Variants in DDX46 observed in about 807,000 individuals in gnomAD.
DDX46 encodes the protein DEAD-box helicase 46.
A neutral mutation model predicts 134.9 loss-of-function variants in DDX46; 30 were observed. The observed-to-expected ratio is 0.22, with a 90% CI of 0.17 to 0.30. The LOEUF is 0.30. Among genes scored for constraint, DDX46 ranks in the 10% least tolerant of loss-of-function variants. The probability of loss-of-function intolerance (pLI) is 1.00; values close to 1 mark genes in which losing one functional copy is unlikely to be tolerated. For synonymous variants in DDX46, 415 were observed against 404.1 expected, an observed-to-expected ratio of 1.03 and a Z score of -0.32; for missense variants, 622 against 1,248.7, an observed-to-expected ratio of 0.50 and a Z score of 7.56.
chr5:134,826,437 A>G (rs1356987243), intron 21 of DDX46: 2 of 152,282 alleles, frequency 1.3e-5, no homozygotes, highest in African/African-American at 2.4e-5. Context: ...ACTCTGTACC[A>G]TTACGCATGT....
rs1339551348 is a variant in DDX46 at position 134,771,016 on chromosome 5, A to C, written c.447+17A>C. 6 of 1,009,782 alleles carry C rather than the reference A, an allele frequency of 5.9e-6. No individual in the cohort carries two copies. The highest frequency in any genetic ancestry group is 9.0e-6 in the Non-Finnish European group (6 of 668,126). The allele number at this position is 1,009,782 out of a possible 1,614,324, so 62.6% of individuals were successfully genotyped here. A position where few individuals can be genotyped will look rare whatever the true frequency, so the allele number is the denominator to read the frequency against. Reference sequence around the variant, plus strand: ...GATGCTGGCGTATGTTTATTAACTTAAAAATAATTTTCTTTCTTTCTTTTT... The same window carrying C: ...GATGCTGGCGTATGTTTATTAACTTCAAAATAATTTTCTTTCTTTCTTTTT... On this transcript the variant is annotated intron_variant, in intron 4 of 22. Coordinates refer to ENST00000452510, the MANE Select transcript of DDX46 (RefSeq NM_001300860.2).
chr5:134,765,167 C>G (rs1368195867), intron 2 of DDX46, among the ~76,000 whole-genome samples: 1 of 150,688 alleles, frequency 6.6e-6, no homozygotes, highest in East Asian at 1.9e-4. Context: ...CTCCCGGGTT[C>G]AAGTGATTCT....
chr5:134,767,587 C>T (rs749318215), intron 3 of DDX46, among the ~76,000 whole-genome samples: 2 of 151,904 alleles, frequency 1.3e-5, no homozygotes, highest in African/African-American at 2.4e-5. Context: ...GTGATCTGCC[C>T]ACCTCGGCTT....
rs1474377800 is a variant in DDX46, at chr5:134,773,760, G to A, written c.512G>A (p.Arg171Gln). 13 of 1,612,834 alleles carry A rather than the reference G, an allele frequency of 8.1e-6. No homozygotes were observed. Among genetic ancestry groups the A allele is most frequent in the Non-Finnish European group, 1.1e-5 (13 of 1,179,482 alleles). The stretch of plus-strand genomic sequence containing the variant: ...CGAAAAGAAAGAGTAGAAAAATGGC[G>A]AGAAGAGCAACGTAAAAAGGCTATG... ...RKRKERVEKWREEQRKKAMEN... is the reference protein window; with the variant it reads ...RKRKERVEKWQEEQRKKAMEN... Residue 171 changes from arginine to glutamine, a missense_variant, in exon 5 of 23, where the codon CGA (arginine) becomes CAA (glutamine). Arg to Gln is a conservative substitution (Grantham distance 43, BLOSUM62 1). This residue lies in a region of DDX46 where 244 missense variants were observed against 349.3 expected (regional missense o/e 0.70). Transcript: ENST00000452510.
chr5:134,829,348 T>A lies in DDX46; in HGVS notation c.*642T>A, dbSNP rs1161164355. 6.6e-6 allele frequency: 1 copy of A among 152,230 alleles called. No individual in the cohort carries two copies. The highest frequency in any genetic ancestry group is 2.4e-5 in the African/African-American group (1 of 41,466). 9.4% of individuals were successfully genotyped at this position (152,230 alleles called of 1,614,324 possible). On this transcript the variant is annotated 3_prime_UTR_variant, in exon 23 of 23. Transcript: ENST00000452510. ...CTGAGTGTAAAACTCTACAAAGAGT[T>A]ATAGTATTTACTACTTTGAGGTTTC...
At chr5:134,797,079 G>A (rs1039964280) in intron 15 of DDX46, 4 of 223,016 alleles carry the variant, frequency 1.8e-5, no homozygotes, top group African/African-American at 7.2e-5. Context: ...GAACCCAGGA[G>A]GCGGAGGTTG....
At chr5:134,767,726 G>A (rs1275103087) in intron 3 of DDX46, among the ~76,000 whole-genome samples, 4 of 151,642 alleles carry the variant, frequency 2.6e-5, no homozygotes, top group African/African-American at 7.3e-5. Context: ...CAAGGTGGGC[G>A]GATCACCTGA....
chr5:134,761,581 GA>G (rs1753387879), intron 1 of DDX46, among the ~76,000 whole-genome samples: 1 of 152,116 alleles, frequency 6.6e-6, no homozygotes, highest in Non-Finnish European at 1.5e-5. Flanking sequence ...TATTTCTAGA[GA>G]AACCTCTTCC....
chr5:134,810,591 C>G lies in DDX46; in HGVS notation c.2149-630C>G, dbSNP rs147405505. 8.6e-3 allele frequency among the ~76,000 whole-genome samples: 1,305 copies of G among 150,882 alleles called. 6 individuals are homozygous for G. Among genetic ancestry groups the G allele is most frequent in the Middle Eastern group, 0.042 (12 of 284 alleles). On this transcript the variant is annotated intron_variant, in intron 16 of 22. Coordinates refer to ENST00000452510, the MANE Select transcript of DDX46 (RefSeq NM_001300860.2). The stretch of plus-strand genomic sequence containing the variant: ...CTTCTGACCTCAAATGATCCACCCC[C>G]CCTTGGCCTCCCAAAGTGCTGGGAT...
intron 13 of DDX46, among the ~76,000 whole-genome samples, chr5:134,793,545 T>C (rs1053004613): frequency 2.0e-5 from 3 of 152,084 alleles, no homozygotes; most frequent in Admixed American, 6.6e-5. Context: ...GCTGGTATTA[T>C]AGGCACGTGC....
intron 6 of DDX46, among the ~76,000 whole-genome samples, chr5:134,779,984 A>G (rs1754082712): frequency 6.6e-6 from 1 of 152,114 alleles, no homozygotes; most frequent in Non-Finnish European, 1.5e-5. Context: ...CTCTAATCCA[A>G]GCTACTTGGG....
chr5:134,806,420 G>A (rs1464478810), intron 15 of DDX46, among the ~76,000 whole-genome samples: 1 of 152,054 alleles, frequency 6.6e-6, no homozygotes, highest in Non-Finnish European at 1.5e-5. Context: ...CCCATATGCT[G>A]CTTCAGTTAG....
chr5:134,805,263 CG>C (rs1277788491), intron 15 of DDX46: 2 of 155,082 alleles, frequency 1.3e-5, no homozygotes, highest in Non-Finnish European at 2.9e-5. Flanking sequence ...CTCTGCCTCC[CG>C]GGTTCAAGCT....
At chr5:134,804,631 A>G (rs751017112) in intron 15 of DDX46, 4 of 207,548 alleles carry the variant, frequency 1.9e-5, no homozygotes, top group Non-Finnish European at 3.0e-5. Context: ...GGGCTTTTCC[A>G]TGTTGCCCAG....
In DDX46 at chr5:134,764,780, C is replaced by G. The variant is rs77754419; in HGVS notation, c.206+688C>G. 8.3e-3 allele frequency among the ~76,000 whole-genome samples: 1,258 copies of G among 150,968 alleles called. 17 individuals carry two copies. Among genetic ancestry groups the G allele is most frequent in the African/African-American group, 0.028 (1,146 of 41,218 alleles). On this transcript the variant is annotated intron_variant, in intron 2 of 22. Transcript: ENST00000452510. The stretch of plus-strand genomic sequence containing the variant: ...TTTCTTTCCTTTTTTTTTTGCCACC[C>G]TTGTTGAAATTTGTAAAATTTCCTT...
At chr5:134,785,382 T>C in intron 10 of DDX46, 83 bp from the exon 11 acceptor site, 2 of 1,396,218 alleles carry the variant, frequency 1.4e-6, no homozygotes, top group Non-Finnish European at 1.9e-6. Context: ...ATCTGAACTT[T>C]ATTGTAAAGG....
At chr5:134,819,455 T>C (rs1295431172) in intron 21 of DDX46, among the ~76,000 whole-genome samples, 2 of 152,220 alleles carry the variant, frequency 1.3e-5, no homozygotes, top group Non-Finnish European at 2.9e-5. Context: ...ATATAAATAA[T>C]ACATTATGTA....
In DDX46 at chr5:134,784,429, A is replaced by G; in HGVS notation, c.1230A>G (p.Arg410=). The G allele has an allele frequency of 3.7e-6, 6 of 1,614,098 alleles. No individual in the cohort carries two copies. Among genetic ancestry groups the G allele is most frequent in the Non-Finnish European group, 5.1e-6 (6 of 1,179,994 alleles). Residue 410 remains arginine (R), a synonymous_variant, in exon 10 of 23, where the codon CGA becomes CGG. Transcript: ENST00000452510. ...CTATTCCTGCTATAATGTCTGGACGAGATTTGATTGGCATTGCCAAAACAG... is the reference window on the plus strand; with the variant it reads ...CTATTCCTGCTATAATGTCTGGACGGGATTTGATTGGCATTGCCAAAACAG... ...TQAIPAIMSG[R]DLIGIAKTGS... is the part of the protein sequence containing the mutation.
chr5:134,797,317 A>G (rs917447088), intron 15 of DDX46: 7 of 206,624 alleles, frequency 3.4e-5, no homozygotes, highest in African/African-American at 1.7e-4. Flanking sequence ...TATTTTGCTT[A>G]TGAATCTTCA....
Sources: allele counts gnomAD v4.1 joint callset (sites outside exome capture counted in the v4.1 genomes callset), GRCh38; gene constraint gnomAD v4.1.1; regional missense constraint gnomAD v4.1.1; transcripts MANE v1.5; gene names NCBI Gene and HGNC (gene_info 2026-07-23, HGNC 2026-07-21).